The following ILRUN variants were observed in gnomAD, a reference collection of about 807,000 sequenced individuals.
ILRUN encodes the protein inflammation and lipid regulator with UBA-like and NBR1-like domains.
ILRUN carries 3 observed loss-of-function variants against 33.8 expected under a neutral mutation model. The observed-to-expected ratio is 0.09, with a 90% CI of 0.04 to 0.23. The LOEUF (loss-of-function observed/expected upper bound fraction) is 0.23, where lower values mean the gene tolerates loss of function less well. ILRUN is among the 10% of genes least tolerant of loss of function. The probability of loss-of-function intolerance (pLI) is 1.00; values close to 1 mark genes in which losing one functional copy is unlikely to be tolerated. For synonymous variants in ILRUN, 124 were observed against 138.9 expected, an observed-to-expected ratio of 0.89 and a Z score of 0.75; for missense variants, 210 against 375.1, an observed-to-expected ratio of 0.56 and a Z score of 3.64.
At chr6:34,678,856 A>G (rs1179811420) in intron 1 of ILRUN, among the ~76,000 whole-genome samples, 121 of 149,946 alleles carry the variant, frequency 8.1e-4, no homozygotes, top group Middle Eastern at 3.4e-3. Context: ...AAAAAAAAAA[A>G]AAAGAAAGAA....
At chr6:34,682,263 T>TTTTGTTTTGTTTTG (rs1562032029) in intron 1 of ILRUN, among the ~76,000 whole-genome samples, 7 of 124,994 alleles carry the variant, frequency 5.6e-5, no homozygotes, top group African/African-American at 2.1e-4. Flanking sequence ...TTTTTTTTTT[T>TTTTGTTTTGTTTTG]TTTTTTTTTT....
intron 3 of ILRUN, among the ~76,000 whole-genome samples, chr6:34,619,433 G>A (rs1013408029): frequency 6.6e-6 from 1 of 152,030 alleles, no homozygotes; most frequent in Admixed American, 6.6e-5. Context: ...ATGGCTCACT[G>A]CAGCCTTGAC....
intron 1 of ILRUN, among the ~76,000 whole-genome samples, chr6:34,682,510 G>C (rs1392733048): frequency 2.0e-5 from 3 of 151,582 alleles, no homozygotes; most frequent in African/African-American, 7.3e-5. Flanking sequence ...TGCCCACCTC[G>C]GCCTCCCAAA....
chr6:34,677,947 CAAAAAAAA>C (rs200840957), intron 1 of ILRUN, among the ~76,000 whole-genome samples: 4 of 74,370 alleles, frequency 5.4e-5, no homozygotes, highest in East Asian at 2.7e-4. Flanking sequence ...ATCCTGCCTC[CAAAAAAAA>C]AAAAAAAAAA....
At chr6:34,679,029 T>A (rs2127382799) in intron 1 of ILRUN, among the ~76,000 whole-genome samples, 1 of 151,816 alleles carries the variant, frequency 6.6e-6, no homozygotes, top group Non-Finnish European at 1.5e-5. Context: ...GAAAAACTAC[T>A]TGTCAGGTAC....
In ILRUN at chr6:34,646,543, G is replaced by T. The variant is rs1762567363; in HGVS notation, c.511+58C>A. ...GACAGGCTCTGTGAGCAACACTGGG[G>T]ATGTTATAAGATGTTACCTTAGTTC... On this transcript the variant is annotated intron_variant, in intron 3 of 4. Transcript: ENST00000374023. This position sits in a 1 kb window ranked among gnomAD's most constrained non-coding sequence, Gnocchi z 4.9. 3 of 1,538,004 alleles carry T rather than the reference G, an allele frequency of 2.0e-6. No homozygotes were observed. The highest frequency in any genetic ancestry group is 2.3e-5 in the South Asian group (2 of 88,652).
intron 1 of ILRUN, among the ~76,000 whole-genome samples, chr6:34,674,688 C>T (rs1310964508): frequency 6.6e-6 from 1 of 152,186 alleles, no homozygotes. Flanking sequence ...TTAAACCATA[C>T]ATTTGTAATT....
chr6:34,666,103 T>C (rs1435634741), intron 1 of ILRUN, among the ~76,000 whole-genome samples: 2 of 152,220 alleles, frequency 1.3e-5, no homozygotes, highest in Non-Finnish European at 2.9e-5. Flanking sequence ...AGCCAAATTC[T>C]AATATATGAT....
chr6:34,656,231 G>A lies in ILRUN; in HGVS notation c.159-1452C>T, dbSNP rs1158036234. ...AGCCCAGGCAACAGTGCCAGACTCC[G>A]TCTCAAAAAAAAAAAAAAAAAAAAG... On this transcript the variant is annotated intron_variant, in intron 1 of 4. Coordinates refer to ENST00000374023, the MANE Select transcript of ILRUN (RefSeq NM_024294.4). 1.9e-4 allele frequency among the ~76,000 whole-genome samples: 23 copies of A among 122,688 alleles called. No individual in the cohort carries two copies. The East Asian group carries it at 4.9e-3, about 26-fold the overall frequency. The allele number at this position is 122,688 out of a possible 152,430, so 80.5% of individuals were successfully genotyped here.
intron 3 of ILRUN, among the ~76,000 whole-genome samples, chr6:34,620,959 T>C (rs1165148090): frequency 6.6e-6 from 1 of 152,182 alleles, no homozygotes; most frequent in Non-Finnish European, 1.5e-5. Flanking sequence ...ACAGTAACTG[T>C]TTTAAAATCC....
At chr6:34,660,341 T>C (rs1251228209) in intron 1 of ILRUN, among the ~76,000 whole-genome samples, 1 of 148,278 alleles carries the variant, frequency 6.7e-6, no homozygotes, top group African/African-American at 2.5e-5. Flanking sequence ...AGAGAAGGAA[T>C]GCCATTAGCT....
intron 1 of ILRUN, among the ~76,000 whole-genome samples, chr6:34,682,541 A>C (rs1485685028): frequency 6.6e-6 from 1 of 151,796 alleles, no homozygotes; most frequent in Non-Finnish European, 1.5e-5. Flanking sequence ...TACAGGGGTG[A>C]GCCACCGCGC....
intron 4 of ILRUN, among the ~76,000 whole-genome samples, chr6:34,605,301 C>T (rs563771291): frequency 7.8e-5 from 9 of 115,836 alleles, no homozygotes; most frequent in African/African-American, 2.4e-4. Context: ...AGCGAAACTC[C>T]GTCTCCAAAA....
intron 4 of ILRUN, among the ~76,000 whole-genome samples, chr6:34,603,498 A>G (rs1450058773): frequency 6.6e-6 from 1 of 151,898 alleles, no homozygotes; most frequent in Non-Finnish European, 1.5e-5. Flanking sequence ...GGCCGGGCGT[A>G]GTGGCGGGCG....
intron 1 of ILRUN, among the ~76,000 whole-genome samples, chr6:34,676,022 G>A (rs1291828072): frequency 3.3e-5 from 5 of 152,086 alleles, no homozygotes. Flanking sequence ...CAACCACAAT[G>A]GACATCCAAT....
rs1427141364 is a variant in ILRUN, at chr6:34,589,550, G to A, written c.*1015C>T. The stretch of plus-strand genomic sequence containing the variant: ...TGTTGTGTGACAACAGAGAAGCATG[G>A]GCCACCTTCAAGCTTGCCTACTGCA... On this transcript the variant is annotated 3_prime_UTR_variant, in exon 5 of 5. Coordinates refer to ENST00000374023, the MANE Select transcript of ILRUN (RefSeq NM_024294.4). 6.6e-6 allele frequency: 1 copy of A among 152,248 alleles called. No individual in the cohort carries two copies. Among genetic ancestry groups the A allele is most frequent in the East Asian group, 1.9e-4 (1 of 5,192 alleles). The allele number at this position is 152,248 out of a possible 1,614,324, so 9.4% of individuals were successfully genotyped here. A position where few individuals can be genotyped will look rare whatever the true frequency, so the allele number is the denominator to read the frequency against.
chr6:34,693,457 T>C (rs768965996), intron 1 of ILRUN, among the ~76,000 whole-genome samples: 43 of 143,758 alleles, frequency 3.0e-4, no homozygotes, highest in Non-Finnish European at 6.0e-4. Context: ...TGGGCTCAGG[T>C]GATCTTCCTA....
chr6:34,617,762 T>G (rs551231937), intron 3 of ILRUN, among the ~76,000 whole-genome samples: 9 of 152,308 alleles, frequency 5.9e-5, no homozygotes, highest in Admixed American at 5.2e-4. Flanking sequence ...AGAAACTTGT[T>G]CCTTAGTATT....
intron 1 of ILRUN, among the ~76,000 whole-genome samples, chr6:34,688,811 T>C (rs1439878867): frequency 6.6e-6 from 1 of 151,218 alleles, no homozygotes; most frequent in Non-Finnish European, 1.5e-5. Context: ...AACAACAAGA[T>C]GCAGACACAA....
Sources: allele counts gnomAD v4.1 joint callset (sites outside exome capture counted in the v4.1 genomes callset), GRCh38; gene constraint gnomAD v4.1.1; non-coding constraint Gnocchi (gnomAD v3.1); transcripts MANE v1.5; gene names NCBI Gene and HGNC (gene_info 2026-07-23, HGNC 2026-07-21).